LPP: variants seen among roughly 807,000 people sequenced by gnomAD.
The protein encoded by LPP is LIM domain containing preferred translocation partner in lipoma, also known as lipoma-preferred partner.
LPP carries 38 observed loss-of-function variants against 60.4 expected under a neutral mutation model. That is an observed-to-expected ratio of 0.63 (90% CI 0.49 to 0.83). The LOEUF (loss-of-function observed/expected upper bound fraction) is 0.83, where lower values mean the gene tolerates loss of function less well. Among genes scored for constraint, LPP ranks in the 40% least tolerant of loss-of-function variants. The pLI is 0.00. For missense variants in LPP, 902 were observed against 783.6 expected, an observed-to-expected ratio of 1.15 and a Z score of -1.80; for synonymous variants, 328 against 290.8, an observed-to-expected ratio of 1.13 and a Z score of -1.30.
rs113253258 is a variant in LPP, at chr3:188,692,696, G to A, written c.1114-15571G>A. 7.7e-3 allele frequency among the ~76,000 whole-genome samples: 1,179 copies of A among 152,240 alleles called. 13 individuals carry two copies. The highest frequency in any genetic ancestry group is 0.027 in the African/African-American group (1,116 of 41,530). The stretch of plus-strand genomic sequence containing the variant: ...CCTACTTCTCAATATCTTTAGCATG[G>A]CACTTACTAGGCACTCAGCAAGTGC... On this transcript the variant is annotated intron_variant, in intron 7 of 11. Transcript: ENST00000617246.
At chr3:188,769,211 G>A (rs1358169834) in intron 9 of LPP, among the ~76,000 whole-genome samples, 1 of 152,122 alleles carries the variant, frequency 6.6e-6, no homozygotes, top group Non-Finnish European at 1.5e-5. Flanking sequence ...GGGTATTTTG[G>A]GGATTGAATG....
At position 188,684,049 on chromosome 3, in the gene LPP, G is replaced by T. The variant is rs114606001; in HGVS notation, c.1114-24218G>T. 6.8e-3 allele frequency among the ~76,000 whole-genome samples: 1,042 copies of T among 152,332 alleles called. 11 individuals carry two copies. Among genetic ancestry groups the T allele is most frequent in the African/African-American group, 0.024 (977 of 41,566 alleles). On this transcript the variant is annotated intron_variant, in intron 7 of 11. Coordinates refer to ENST00000617246, the MANE Select transcript of LPP (RefSeq NM_001375462.1). The stretch of plus-strand genomic sequence containing the variant: ...TATTTTTCATATTCGAACTCTTTGT[G>T]CTGAAGATTCTGCAGTCAAACTGCA...
intron 3 of LPP, among the ~76,000 whole-genome samples, chr3:188,370,873 G>A (rs1406041219): frequency 6.6e-6 from 1 of 152,134 alleles, no homozygotes; most frequent in Non-Finnish European, 1.5e-5. Context: ...AACTCTACTG[G>A]TGTCTCTTGG....
chr3:188,613,383 C>T (rs1844240419), intron 7 of LPP, among the ~76,000 whole-genome samples: 1 of 151,426 alleles, frequency 6.6e-6, no homozygotes, highest in Non-Finnish European at 1.5e-5. Context: ...TTGAAAGTTC[C>T]AGTGCTAGGA....
At chr3:188,853,864 A>T (rs1480865187) in intron 9 of LPP, among the ~76,000 whole-genome samples, 2 of 151,870 alleles carry the variant, frequency 1.3e-5, no homozygotes, top group Admixed American at 6.6e-5. Context: ...CTCACCACAA[A>T]CAACTCTAGA....
chr3:188,438,273 C>G (rs1422286696), intron 4 of LPP, among the ~76,000 whole-genome samples: 1 of 151,370 alleles, frequency 6.6e-6, no homozygotes, highest in Non-Finnish European at 1.5e-5. Context: ...AAAGCCCAAT[C>G]TTAGAGTAGC....
chr3:188,683,162 C>T (rs1859899164), intron 7 of LPP, among the ~76,000 whole-genome samples: 1 of 151,976 alleles, frequency 6.6e-6, no homozygotes. Context: ...GTGAGTAGTC[C>T]AGGAACTCTC....
intron 8 of LPP, among the ~76,000 whole-genome samples, chr3:188,745,396 C>T (rs573496586): frequency 6.6e-6 from 1 of 152,210 alleles, no homozygotes; most frequent in South Asian, 2.1e-4. Context: ...TTCAATCTTA[C>T]AGGAAGTTAC....
chr3:188,240,561 T>G (rs184243071), intron 2 of LPP, among the ~76,000 whole-genome samples: 1 of 152,224 alleles, frequency 6.6e-6, no homozygotes, highest in African/African-American at 2.4e-5. Context: ...GTTGAGAGCT[T>G]TATTCAAACT....
intron 1 of LPP, among the ~76,000 whole-genome samples, chr3:188,184,585 T>C (rs937401883): frequency 9.3e-5 from 14 of 151,348 alleles, no homozygotes; most frequent in Non-Finnish European, 1.6e-4. Context: ...AGCTGTGTGG[T>C]GGGAAAAGCA....
At chr3:188,431,447 G>C (rs1032626790) in intron 4 of LPP, among the ~76,000 whole-genome samples, 1 of 152,150 alleles carries the variant, frequency 6.6e-6, no homozygotes, top group African/African-American at 2.4e-5. Context: ...AGTATAAAGA[G>C]CCATGATTTT....
At chr3:188,305,497 G>C (rs914544358) in intron 2 of LPP, among the ~76,000 whole-genome samples, 2 of 152,186 alleles carry the variant, frequency 1.3e-5, no homozygotes, top group African/African-American at 4.8e-5. Context: ...TGAGTCCAGA[G>C]AGGCTCACAA....
intron 8 of LPP, among the ~76,000 whole-genome samples, chr3:188,732,716 C>CAAAAAAA (rs1167795146): frequency 9.4e-5 from 7 of 74,336 alleles, no homozygotes; most frequent in South Asian, 6.7e-4. Context: ...AGACTCTTAT[C>CAAAAAAA]AAAAAAAAAA....
rs1778767963 is a variant in LPP at position 188,387,974 on chromosome 3, C to A, written c.-9-18138C>A. Among the ~76,000 whole-genome samples, 6 of 151,804 alleles carry A rather than the reference C, an allele frequency of 4.0e-5. No homozygotes were observed. In the South Asian group the frequency reaches 1.2e-3, roughly 31 times the overall value. ...GAATGTGTGAGTGAGTCAGCATCTC[C>A]CCTATCATGCTAGTATTAAATATGT... On this transcript the variant is annotated intron_variant, in intron 3 of 11. Transcript: ENST00000617246.
intron 6 of LPP, among the ~76,000 whole-genome samples, chr3:188,597,203 T>C (rs977696791): frequency 6.6e-6 from 1 of 152,196 alleles, no homozygotes; most frequent in African/African-American, 2.4e-5. Context: ...ATGTGTGATA[T>C]TCACATTTCT....
intron 1 of LPP, among the ~76,000 whole-genome samples, chr3:188,195,961 T>C (rs1367913507): frequency 6.6e-6 from 1 of 152,214 alleles, no homozygotes; most frequent in African/African-American, 2.4e-5. Context: ...TATTTGTCTC[T>C]ACTGCCTCAC....
At chr3:188,270,243 C>T (rs925876017) in intron 2 of LPP, among the ~76,000 whole-genome samples, 21 of 151,428 alleles carry the variant, frequency 1.4e-4, no homozygotes, top group African/African-American at 4.4e-4. Context: ...GTTTCTTTTT[C>T]TTTCTAATGC....
At chr3:188,301,884 C>T (rs116476929) in intron 2 of LPP, among the ~76,000 whole-genome samples, 1,916 of 151,142 alleles carry the variant, frequency 0.013, 24 homozygotes, top group African/African-American at 0.035. Flanking sequence ...GTTGAACTCC[C>T]GGGCTCAAAC....
At position 188,884,100 on chromosome 3, in the gene LPP, T is replaced by C. The variant is rs575592815; in HGVS notation, c.*9621T>C. 37 of 223,978 alleles carry C rather than the reference T, an allele frequency of 1.7e-4. No individual in the cohort carries two copies. Among genetic ancestry groups the C allele is most frequent in the Middle Eastern group, 1.3e-3 (1 of 750 alleles). 13.9% of individuals were successfully genotyped at this position (223,978 alleles called of 1,614,324 possible). A position where few individuals can be genotyped will look rare whatever the true frequency, so the allele number is the denominator to read the frequency against. ...GGAGGTAACTTTCTGAGCTGTAAAATAGTAATTCCTAAGAGAGCTTACAAA... is the reference window on the plus strand; with the variant it reads ...GGAGGTAACTTTCTGAGCTGTAAAACAGTAATTCCTAAGAGAGCTTACAAA... On this transcript the variant is annotated 3_prime_UTR_variant, in exon 12 of 12. Transcript: ENST00000617246.
Sources: gnomAD v4.1 joint callset for allele counts (sites outside exome capture counted in the v4.1 genomes callset) on GRCh38, gnomAD v4.1.1 for gene constraint, MANE v1.5 for transcripts, NCBI Gene and HGNC (gene_info 2026-07-23, HGNC 2026-07-21) for gene names.